The following ANTXR1 variants were observed in gnomAD, a reference collection of about 807,000 sequenced individuals.
ANTXR1 encodes the protein ANTXR cell adhesion molecule 1, also known as anthrax toxin receptor 1.
ANTXR1 carries 19 observed loss-of-function variants against 78.1 expected under a neutral mutation model. The observed-to-expected ratio is 0.24, with a 90% confidence interval of 0.17 to 0.36. ANTXR1 has a LOEUF of 0.36. Ranked by LOEUF, ANTXR1 falls within the 10% of genes least tolerant of loss-of-function variation. ANTXR1 has a pLI of 1.00. For missense variants in ANTXR1, 518 were observed against 718.6 expected (o/e 0.72, Z 3.19); for synonymous variants, 273 against 260.5 (o/e 1.05, Z -0.46).
intron 1 of ANTXR1, among the ~76,000 whole-genome samples, chr2:69,023,131 A>T (rs1221452110): frequency 6.6e-6 from 1 of 152,230 alleles, no homozygotes; most frequent in African/African-American, 2.4e-5. Context: ...ACCTTGGGCA[A>T]ATTATTTAGC....
chr2:69,236,666 G>A (rs1223799854), intron 17 of ANTXR1, among the ~76,000 whole-genome samples: 1 of 152,194 alleles, frequency 6.6e-6, no homozygotes, highest in East Asian at 1.9e-4. Context: ...ATTGACAGAT[G>A]TATGAAAATA....
At chr2:69,177,937 C>T (rs1255069898) in intron 14 of ANTXR1, among the ~76,000 whole-genome samples, 2 of 152,202 alleles carry the variant, frequency 1.3e-5, no homozygotes, top group African/African-American at 4.8e-5. Context: ...AGCAATTGGG[C>T]TCATCCAGCC....
chr2:69,055,039 A>G (rs1670030443), intron 3 of ANTXR1, among the ~76,000 whole-genome samples: 1 of 152,206 alleles, frequency 6.6e-6, no homozygotes, highest in Non-Finnish European at 1.5e-5. Context: ...CCCACTTCAC[A>G]GAACTGTTGG....
intron 10 of ANTXR1, among the ~76,000 whole-genome samples, chr2:69,114,852 C>T (rs1235929895): frequency 6.6e-6 from 1 of 152,216 alleles, no homozygotes; most frequent in African/African-American, 2.4e-5. Flanking sequence ...CAATGCCTCT[C>T]TAGCTGTTAC....
At chr2:69,042,552 A>C (rs539369802) in intron 2 of ANTXR1, among the ~76,000 whole-genome samples, 28 of 152,258 alleles carry the variant, frequency 1.8e-4, no homozygotes, top group African/African-American at 6.3e-4. Context: ...ACAGTCTACA[A>C]ACACAAACTA....
At chr2:69,200,690 G>C (rs778689034) in intron 17 of ANTXR1, among the ~76,000 whole-genome samples, 1 of 152,142 alleles carries the variant, frequency 6.6e-6, no homozygotes, top group Non-Finnish European at 1.5e-5. Context: ...ATCCATTTCT[G>C]GGCTGAGCAC....
At chr2:69,104,090 C>G (rs2104323992) in intron 10 of ANTXR1, among the ~76,000 whole-genome samples, 1 of 152,186 alleles carries the variant, frequency 6.6e-6, no homozygotes, top group East Asian at 1.9e-4. Context: ...AGGTGTGCAT[C>G]ACTACACCCA....
intron 17 of ANTXR1, among the ~76,000 whole-genome samples, chr2:69,228,666 G>T (rs1394008297): frequency 6.6e-6 from 1 of 152,208 alleles, no homozygotes; most frequent in Non-Finnish European, 1.5e-5. Flanking sequence ...AGCACTCAGT[G>T]AGTGGCATTT....
intron 16 of ANTXR1, 102 bp from the exon 17 acceptor site, chr2:69,193,233 T>C (rs750273673): frequency 7.8e-6 from 7 of 903,222 alleles, no homozygotes; most frequent in Non-Finnish European, 1.3e-5. Flanking sequence ...CAGTGTTGTG[T>C]TGTTCACATG....
At chr2:69,017,136 C>A (rs1461856900) in intron 1 of ANTXR1, among the ~76,000 whole-genome samples, 4 of 152,188 alleles carry the variant, frequency 2.6e-5, no homozygotes, top group African/African-American at 9.7e-5. Context: ...CTTACCACCT[C>A]CATCCAGGCT....
intron 8 of ANTXR1, chr2:69,090,540 G>A (rs1036452816): frequency 4.7e-5 from 19 of 405,694 alleles, no homozygotes; most frequent in Non-Finnish European, 8.3e-5. Context: ...CCAGAGTTAA[G>A]TCCCATTTCC....
intron 10 of ANTXR1, among the ~76,000 whole-genome samples, chr2:69,119,589 G>T (rs543903721): frequency 6.6e-6 from 1 of 152,234 alleles, no homozygotes; most frequent in Non-Finnish European, 1.5e-5. Context: ...CTTTGCCTCT[G>T]GCTTGCGGTG....
chr2:69,153,351 A>G (rs747924429), intron 13 of ANTXR1, among the ~76,000 whole-genome samples: 9 of 152,122 alleles, frequency 5.9e-5, no homozygotes, highest in Non-Finnish European at 1.3e-4. Context: ...GCAAGGGGAA[A>G]TGGCTTCGGA....
chr2:69,169,295 T>TA (rs1198197709), intron 13 of ANTXR1, among the ~76,000 whole-genome samples: 1 of 152,176 alleles, frequency 6.6e-6, no homozygotes, highest in Non-Finnish European at 1.5e-5. Flanking sequence ...GTCCTCTAAG[T>TA]AAAAGAACTG....
At chr2:69,204,923 C>A (rs554928939) in intron 17 of ANTXR1, among the ~76,000 whole-genome samples, 3 of 152,302 alleles carry the variant, frequency 2.0e-5, no homozygotes, top group African/African-American at 7.2e-5. Flanking sequence ...TCGCTGCCTC[C>A]CACTTTACCA....
In ANTXR1 at chr2:69,038,106, A is replaced by G. The variant is rs77374878; in HGVS notation, c.153-1938A>G. ...ACCCCCCTTCACAGCCTGCACCAGC[A>G]CAGAGAGCCATTCCCCTTTTCTTTT... is the stretch of plus-strand genomic sequence containing the variant. On this transcript the variant is annotated intron_variant, in intron 1 of 17. Transcript: ENST00000303714. Among the ~76,000 whole-genome samples, 59 of 152,164 alleles carry G rather than the reference A, an allele frequency of 3.9e-4. No homozygotes were observed. The East Asian group carries it at 0.011, about 29-fold the overall frequency.
chr2:69,062,057 G>A (rs566550815), intron 3 of ANTXR1, among the ~76,000 whole-genome samples: 2 of 152,302 alleles, frequency 1.3e-5, no homozygotes, highest in African/African-American at 2.4e-5. Context: ...AGCAGAGAAG[G>A]TTCTGCAGAA....
intron 16 of ANTXR1, among the ~76,000 whole-genome samples, chr2:69,187,218 A>G (rs1197311659): frequency 1.8e-4 from 28 of 152,110 alleles, no homozygotes; most frequent in Non-Finnish European, 2.9e-5. Context: ...TTAAGGCACC[A>G]ACCACACCAA....
At chr2:69,099,007 T>C (rs113565954) in intron 9 of ANTXR1, among the ~76,000 whole-genome samples, 301 of 101,512 alleles carry the variant, frequency 3.0e-3, no homozygotes, top group Non-Finnish European at 4.8e-3. Flanking sequence ...TACAATTCAG[T>C]GGTTTTTAAT....
Sources: gnomAD v4.1 joint callset for allele counts (sites outside exome capture counted in the v4.1 genomes callset) on GRCh38, gnomAD v4.1.1 for gene constraint, MANE v1.5 for transcripts, NCBI Gene and HGNC (gene_info 2026-07-23, HGNC 2026-07-21) for gene names.